SLC12A7: variants seen among roughly 807,000 people sequenced by gnomAD.
SLC12A7 encodes the protein K-Cl cotransporter 4.
A neutral mutation model predicts 120.6 loss-of-function variants in SLC12A7; 100 were observed. That is an observed-to-expected ratio of 0.83 (90% CI 0.71 to 0.98). The LOEUF is 0.98. Among genes scored for constraint, SLC12A7 ranks in the 50% least tolerant of loss-of-function variants. SLC12A7 has a pLI of 0.00. For synonymous variants in SLC12A7, 760 were observed against 678.0 expected (o/e 1.12, Z -1.88); for missense variants, 1,373 against 1,548.1 (o/e 0.89, Z 1.90).
intron 1 of SLC12A7, among the ~76,000 whole-genome samples, chr5:1,101,972 CCA>C (rs1176924486): frequency 2.0e-5 from 3 of 152,242 alleles, no homozygotes; most frequent in African/African-American, 7.2e-5. Flanking sequence ...AGCCCCCCAG[CCA>C]CAGAGGCAAC....
chr5:1,057,731 T>C, intron 21 of SLC12A7, 82 bp from the exon 22 acceptor site: 1 of 1,363,894 alleles, frequency 7.3e-7, no homozygotes, highest in Non-Finnish European at 1.0e-6. Context: ...AGGCCGGAGG[T>C]GAGGGCAGCT....
At position 1,058,526 on chromosome 5, in the gene SLC12A7, A is replaced by T. The variant is rs543899683; in HGVS notation, c.2848-877T>A. Among the ~76,000 whole-genome samples, 3 of 152,356 alleles carry T rather than the reference A, an allele frequency of 2.0e-5. No homozygotes were observed. The South Asian group carries it at 6.2e-4, about 32-fold the overall frequency. On this transcript the variant is annotated intron_variant, in intron 21 of 23. Transcript: ENST00000264930. ...GGGAGCCACTCGTCCCAGGGGCATC[A>T]GGAGTTTGTGAGCCCCGGGGTGATT...
upstream of SLC12A7, among the ~76,000 whole-genome samples, chr5:1,114,743 A>G (rs1743248729): frequency 6.6e-6 from 1 of 151,834 alleles, no homozygotes; most frequent in Non-Finnish European, 1.5e-5. Context: ...ATCCGGGTCC[A>G]GTCCCCTGGC....
chr5:1,085,442 T>C lies in SLC12A7; in HGVS notation c.707A>G (p.Gln236Arg). The change falls in exon 7 of 24, where the codon CAG (glutamine) becomes CGG (arginine). Residue 236 changes from glutamine (Q) to arginine (R), a missense_variant. Transcript: ENST00000264930. ...TYISPGAAIF[Q>R]AEAAGGEAAA... ...CGCCTCGCCACCTGCAGCCTCCGCC[T>C]GGAAGATGGCCGCACCCGGGGAGAT... The C allele has an allele frequency of 6.2e-7, 1 of 1,609,384 alleles. No individual in the cohort carries two copies. Among genetic ancestry groups the C allele is most frequent in the Non-Finnish European group, 8.5e-7 (1 of 1,178,488 alleles).
At chr5:1,154,820 T>TAA in the SLC12A7 span, among the ~76,000 whole-genome samples, 1 of 152,290 alleles carries the variant, frequency 6.6e-6, no homozygotes, top group South Asian at 2.1e-4. Flanking sequence ...GACATCGCAG[T>TAA]AACCGCAGGT....
chr5:1,090,637 C>G (rs886146183), intron 3 of SLC12A7, among the ~76,000 whole-genome samples: 4 of 152,208 alleles, frequency 2.6e-5, no homozygotes, highest in African/African-American at 9.6e-5. Context: ...GAGGCTTCAG[C>G]TAACGCAGGA....
chr5:1,057,810 C>T (rs992562747), intron 21 of SLC12A7, among the ~76,000 whole-genome samples, 161 bp from the exon 22 acceptor site: 3 of 152,164 alleles, frequency 2.0e-5, no homozygotes, highest in African/African-American at 2.4e-5. Context: ...GGTCCTGCGC[C>T]GCCCCCGTGA....
intron 9 of SLC12A7, among the ~76,000 whole-genome samples, chr5:1,080,296 A>C (rs57610869): frequency 0.16 from 465 of 2,854 alleles, 39 homozygotes; most frequent in South Asian, 0.51. Context: ...CGGAGACACC[A>C]GGAGCCACGC....
chr5:1,087,026 C>A lies in SLC12A7; in HGVS notation c.552G>T (p.Gly184=), dbSNP rs761112827. The A allele has an allele frequency of 1.2e-6, 2 of 1,611,306 alleles. No homozygotes were observed. The highest frequency in any genetic ancestry group is 1.7e-6 in the Non-Finnish European group (2 of 1,179,050). ...IATNGVVPAG[G]SYYMISRSLG... is the part of the protein sequence containing the mutation. ...GCGAGCGCGATATCATGTAGTAGGA[C>A]CCGCCAGCTGCGGAGACAAAGGCGG... The change falls in exon 6 of 24, where the codon GGG becomes GGT. Residue 184 remains glycine, a synonymous_variant. Transcript: ENST00000264930.
Position 1,081,793 on chromosome 5 carries a change from GC to G in SLC12A7, c.1130-50del, listed in dbSNP as rs1309370395. ...GGGTTTCTGGCACCTTCTGTGCAGT[GC>G]CCCCGCCATGGGGCCGCCCACTCCC... On this transcript the variant is annotated intron_variant, in intron 8 of 23. Coordinates refer to ENST00000264930, the MANE Select transcript of SLC12A7 (RefSeq NM_006598.3). The G allele has an allele frequency of 6.4e-6, 10 of 1,565,984 alleles. 1 individual carries two copies. Among genetic ancestry groups the G allele is most frequent in the African/African-American group, 4.0e-5 (3 of 74,454 alleles).
rs116316248 is a variant in SLC12A7, at chr5:1,097,024, C to T, written c.125-2776G>A. Among the ~76,000 whole-genome samples, 458 of 152,300 alleles carry T rather than the reference C, an allele frequency of 3.0e-3. 1 individual carries two copies. The highest frequency in any genetic ancestry group is 0.01 in the African/African-American group (429 of 41,564). On this transcript the variant is annotated intron_variant, in intron 1 of 23. Transcript: ENST00000264930. ...GTCACAGCTGCTTGGGCTCAAGTTT[C>T]TCTTCCCCGCAGGAAGGGTGCGTGG...
intron 1 of SLC12A7, among the ~76,000 whole-genome samples, chr5:1,104,547 A>C (rs1205643446): frequency 6.6e-6 from 1 of 152,248 alleles, no homozygotes; most frequent in African/African-American, 2.4e-5. Flanking sequence ...CCCAGCCCCC[A>C]AACTTCCCAG....
intron 21 of SLC12A7, 53 bp downstream of exon 21, chr5:1,060,291 G>C: frequency 1.5e-6 from 2 of 1,369,964 alleles, no homozygotes; most frequent in East Asian, 2.3e-5. Flanking sequence ...ACTCGGCGAA[G>C]TCGGCTATAC....
At position 1,051,851 on chromosome 5, in the gene SLC12A7, CAA is replaced by C. The variant is rs201191281; in HGVS notation, c.*507_*508del. 0.017 allele frequency: 2,695 copies of C among 156,010 alleles called. 65 individuals are homozygous for C. The highest frequency in any genetic ancestry group is 0.06 in the African/African-American group (2,502 of 41,632). 9.7% of individuals were successfully genotyped at this position (156,010 alleles called of 1,614,324 possible). A position where few individuals can be genotyped will look rare whatever the true frequency, so the allele number is the denominator to read the frequency against. ...TTCAGTGCCTTGAGGTACAGAAACA[CAA>C]AGACAGTCAAGGAACAGAGTGACTC... is the stretch of plus-strand genomic sequence containing the variant. On this transcript the variant is annotated 3_prime_UTR_variant, in exon 24 of 24. Transcript: ENST00000264930.
rs116431638 is a variant in SLC12A7, at chr5:1,062,144, G to T, written c.2740-1693C>A. On this transcript the variant is annotated intron_variant, in intron 20 of 23. Coordinates refer to ENST00000264930, the MANE Select transcript of SLC12A7 (RefSeq NM_006598.3). ...CTAACAACCCCTGCTCAGGAGCTGGGGAGCTGCTTCTGGCACCACGGAGGG... is the reference window on the plus strand; with the variant it reads ...CTAACAACCCCTGCTCAGGAGCTGGTGAGCTGCTTCTGGCACCACGGAGGG... Among the ~76,000 whole-genome samples the T allele has an allele frequency of 9.7e-3, 1,471 of 152,262 alleles. 21 individuals carry two copies. Among genetic ancestry groups the T allele is most frequent in the African/African-American group, 0.033 (1,390 of 41,546 alleles).
chr5:1,061,469 C>CCCA, intron 20 of SLC12A7, among the ~76,000 whole-genome samples: 1 of 81,024 alleles, frequency 1.2e-5, no homozygotes, highest in African/African-American at 4.0e-5. Flanking sequence ...CTGAGTCTCA[C>CCCA]CCGCCGCACC....
At chr5:1,052,982 C>T (rs1226129949) in intron 23 of SLC12A7, among the ~76,000 whole-genome samples, 1 of 152,240 alleles carries the variant, frequency 6.6e-6, no homozygotes, top group Non-Finnish European at 1.5e-5. Flanking sequence ...GGGCTCCTCA[C>T]CTCCCACCGT....
chr5:1,143,992 A>G, the SLC12A7 span, among the ~76,000 whole-genome samples: 1 of 143,138 alleles, frequency 7.0e-6, no homozygotes, highest in Non-Finnish European at 1.5e-5. Flanking sequence ...CTGCCCTCCT[A>G]CCCCTGGCTG....
At chr5:1,155,111 C>T in the SLC12A7 span, among the ~76,000 whole-genome samples, 77 of 151,458 alleles carry the variant, frequency 5.1e-4, no homozygotes, top group African/African-American at 1.8e-3. Context: ...AGGCCCCTCG[C>T]CCACCTCAGG....
Sources: gnomAD v4.1 joint callset for allele counts (sites outside exome capture counted in the v4.1 genomes callset) on GRCh38, gnomAD v4.1.1 for gene constraint, MANE v1.5 for transcripts, NCBI Gene and HGNC (gene_info 2026-07-23, HGNC 2026-07-21) for gene names.